The following PCLO variants were observed in gnomAD, a reference collection of about 807,000 sequenced individuals.
The protein encoded by PCLO is piccolo presynaptic cytomatrix protein.
A neutral mutation model predicts 427.5 loss-of-function variants in PCLO; 82 were observed. The ratio of observed to expected loss-of-function variants is 0.19; its 90% confidence interval spans 0.16 to 0.23. The LOEUF (loss-of-function observed/expected upper bound fraction) is 0.23, where lower values mean the gene tolerates loss of function less well. PCLO is among the 10% of genes least tolerant of loss of function. The probability of loss-of-function intolerance (pLI) is 1.00; values close to 1 mark genes in which losing one functional copy is unlikely to be tolerated. For synonymous variants in PCLO, 2,357 were observed against 2,155.4 expected (o/e 1.09, Z -2.59); for missense variants, 6,239 against 6,115.9 (o/e 1.02, Z -0.67).
intron 10 of PCLO, among the ~76,000 whole-genome samples, chr7:82,850,092 T>TCTGTTCAGTTCCGGGTTCAAGTTCA (rs1200428971): frequency 6.6e-6 from 1 of 152,152 alleles, no homozygotes; most frequent in Non-Finnish European, 1.5e-5. Flanking sequence ...CACTGCAACC[T>TCTGTTCAGTTCCGGGTTCAAGTTCA]CTGCCAACCG....
intron 22 of PCLO, among the ~76,000 whole-genome samples, chr7:82,763,684 T>C (rs903626345): frequency 1.3e-5 from 2 of 152,080 alleles, no homozygotes; most frequent in Non-Finnish European, 2.9e-5. Flanking sequence ...CCTCGCTCTC[T>C]TCCTCTGTCA....
At chr7:83,143,597 G>A (rs1208775571) in intron 2 of PCLO, among the ~76,000 whole-genome samples, 1 of 143,248 alleles carries the variant, frequency 7.0e-6, no homozygotes, top group Non-Finnish European at 1.5e-5. Context: ...TTACAAATAG[G>A]ATCAAGTGAT....
chr7:82,841,378 G>C lies in PCLO; in HGVS notation c.14097+81C>G. The stretch of plus-strand genomic sequence containing the variant: ...TTACAGAATAAGAAAAATCCTAACA[G>C]TGTGTTTACAATTTCAACAAACCAG... On this transcript the variant is annotated intron_variant, in intron 14 of 24. Transcript: ENST00000333891. The C allele has an allele frequency of 1.6e-5, 13 of 814,684 alleles. 1 individual carries two copies. The South Asian group carries it at 1.9e-4, about 12-fold the overall frequency. The allele number at this position is 814,684 out of a possible 1,614,324, so 50.5% of individuals were successfully genotyped here.
chr7:83,116,582 A>C (rs1016722460), intron 3 of PCLO, among the ~76,000 whole-genome samples: 3 of 152,194 alleles, frequency 2.0e-5, no homozygotes, highest in Admixed American at 1.3e-4. Flanking sequence ...TTGTGAAATG[A>C]CTACATCTAG....
chr7:83,121,111 T>A (rs1386147466), intron 3 of PCLO, among the ~76,000 whole-genome samples: 1 of 151,260 alleles, frequency 6.6e-6, no homozygotes, highest in Non-Finnish European at 1.5e-5. Context: ...GTGAAACCCA[T>A]CTCTACTAAA....
At chr7:82,908,268 ATATT>A (rs1337346074) in intron 8 of PCLO, among the ~76,000 whole-genome samples, 1 of 152,120 alleles carries the variant, frequency 6.6e-6, no homozygotes, top group Non-Finnish European at 1.5e-5. Flanking sequence ...TTTTGGTATC[ATATT>A]TATTTAATTC....
chr7:82,930,671 T>C (rs1456794045), intron 6 of PCLO, among the ~76,000 whole-genome samples: 1 of 152,128 alleles, frequency 6.6e-6, no homozygotes. Context: ...AGAACCCTGG[T>C]CTCTGACTCC....
At chr7:83,026,132 A>C (rs1037256129) in intron 3 of PCLO, among the ~76,000 whole-genome samples, 8 of 152,244 alleles carry the variant, frequency 5.3e-5, no homozygotes, top group African/African-American at 1.9e-4. Flanking sequence ...AATGGACTAA[A>C]TGCTCCAATT....
intron 3 of PCLO, among the ~76,000 whole-genome samples, chr7:82,999,721 A>G (rs191885629): frequency 0.022 from 387 of 17,720 alleles, 104 homozygotes; most frequent in African/African-American, 0.18. Context: ...AATATAATAT[A>G]TAATATTAAA....
intron 7 of PCLO, among the ~76,000 whole-genome samples, chr7:82,911,592 A>T (rs1794322689): frequency 6.6e-6 from 1 of 152,114 alleles, no homozygotes; most frequent in Non-Finnish European, 1.5e-5. Flanking sequence ...ATATACTTTT[A>T]AAAAGACAGT....
chr7:82,918,261 C>A (rs1794514980), intron 6 of PCLO, among the ~76,000 whole-genome samples: 1 of 151,862 alleles, frequency 6.6e-6, no homozygotes, highest in Non-Finnish European at 1.5e-5. Flanking sequence ...ATTCTCAATT[C>A]TTTTCATTTT....
At chr7:83,021,063 G>A (rs1008041740) in intron 3 of PCLO, among the ~76,000 whole-genome samples, 3 of 152,130 alleles carry the variant, frequency 2.0e-5, no homozygotes, top group Non-Finnish European at 2.9e-5. Context: ...AAGAAACCCA[G>A]AAGAGACTGA....
intron 3 of PCLO, among the ~76,000 whole-genome samples, chr7:82,982,845 G>A (rs1164250435): frequency 6.6e-6 from 1 of 151,742 alleles, no homozygotes; most frequent in Admixed American, 6.6e-5. Context: ...CCAGGGTTAG[G>A]ATTTACAATT....
At chr7:83,003,438 T>C (rs749043583) in intron 3 of PCLO, among the ~76,000 whole-genome samples, 12 of 151,858 alleles carry the variant, frequency 7.9e-5, no homozygotes, top group Non-Finnish European at 1.0e-4. Context: ...TGTGTATTTG[T>C]GTGTGTTTAT....
Position 83,135,590 on chromosome 7 carries a change from G to C in PCLO, c.1960C>G (p.Pro654Ala). The C allele has an allele frequency of 1.2e-6, 2 of 1,613,066 alleles. No individual in the cohort carries two copies. The highest frequency in any genetic ancestry group is 1.7e-6 in the Non-Finnish European group (2 of 1,179,534). The change falls in exon 3 of 25, where the codon CCG becomes GCG. Residue 654 changes from proline to alanine, a missense_variant. Pro to Ala is a conservative substitution (Grantham distance 27). Around this residue, in one of 5 missense-constraint regions of PCLO, gnomAD observed 4,677 missense variants for 4,468.4 expected, o/e 1.05. Coordinates refer to ENST00000333891, the MANE Select transcript of PCLO (RefSeq NM_033026.6). ...RALGGDLAPV[P>A]SSPQPKLKTA... is the part of the protein sequence containing the mutation. ...TTCAGTTTGGGCTGGGGTGATGACG[G>C]AACTGGAGCCAGATCCCCGCCTAGA...
intron 6 of PCLO, among the ~76,000 whole-genome samples, chr7:82,926,283 T>C (rs184331797): frequency 1.3e-5 from 2 of 152,256 alleles, no homozygotes; most frequent in Admixed American, 6.5e-5. Context: ...TGGGTCTATG[T>C]TTGAGGTATT....
chr7:82,989,043 C>T (rs981146286), intron 3 of PCLO, among the ~76,000 whole-genome samples: 3 of 151,640 alleles, frequency 2.0e-5, no homozygotes, highest in Non-Finnish European at 4.4e-5. Flanking sequence ...GGCTGGGTCT[C>T]GAACTCCTGA....
intron 3 of PCLO, among the ~76,000 whole-genome samples, chr7:83,118,952 C>T (rs1791204202): frequency 6.6e-6 from 1 of 152,048 alleles, no homozygotes; most frequent in African/African-American, 2.4e-5. Flanking sequence ...ACTCTTTCCC[C>T]TTGCAGAAAG....
intron 22 of PCLO, among the ~76,000 whole-genome samples, chr7:82,799,008 T>C (rs866395555): frequency 9.8e-5 from 15 of 152,290 alleles, no homozygotes; most frequent in African/African-American, 3.1e-4. Context: ...TGGCTCCTTC[T>C]TGGAAAGCAA....
Sources: allele counts gnomAD v4.1 joint callset (sites outside exome capture counted in the v4.1 genomes callset), GRCh38; gene constraint gnomAD v4.1.1; regional missense constraint gnomAD v4.1.1; transcripts MANE v1.5; gene names NCBI Gene and HGNC (gene_info 2026-07-23, HGNC 2026-07-21).